The following ZNF518A variants were observed in gnomAD, a reference collection of about 807,000 sequenced individuals.
ZNF518A encodes the protein zinc finger protein 518.
ZNF518A carries 47 observed loss-of-function variants against 102.7 expected under a neutral mutation model. The ratio of observed to expected loss-of-function variants is 0.46; its 90% CI spans 0.36 to 0.58. The LOEUF is 0.58. ZNF518A is among the 20% of genes least tolerant of loss of function. The pLI, the probability that ZNF518A is intolerant of heterozygous loss-of-function variation, is 0.00. For missense variants in ZNF518A, 1,793 were observed against 1,699.8 expected, an observed-to-expected ratio of 1.05 and a Z score of -0.96; for synonymous variants, 652 against 594.6, an observed-to-expected ratio of 1.10 and a Z score of -1.40.
intron 3 of ZNF518A, among the ~76,000 whole-genome samples, chr10:96,149,205 T>C (rs1554879632): frequency 2.0e-5 from 3 of 152,230 alleles, no homozygotes; most frequent in Admixed American, 2.0e-4. Context: ...GTTTTGGTAC[T>C]TACCTTGTCA....
chr10:96,187,445 A>G (rs1218940586), intron 1 of ZNF518A, among the ~76,000 whole-genome samples: 3 of 152,198 alleles, frequency 2.0e-5, no homozygotes, highest in East Asian at 3.8e-4. Context: ...TTTGCCTCAC[A>G]TCGCTGAATT....
In ZNF518A at chr10:96,200,046, AAAATAAT is replaced by A; in HGVS notation, n.36-3517_36-3511del. ...CAAATAAATAAAATAAAATAAAATA[AAAATAAT>A]AAATAATAAAAATGATCAGACCTTG... On this transcript the variant is annotated intron_variant and non_coding_transcript_variant, in intron 1 of 2. Coordinates refer to the ZNF518A transcript ENST00000442635. This position sits in a 1 kb window ranked among gnomAD's most constrained non-coding sequence, Gnocchi z 4.3. 2.2e-6 allele frequency: 3 copies of A among 1,357,994 alleles called. No homozygotes were observed. The highest frequency in any genetic ancestry group is 2.9e-6 in the Non-Finnish European group (3 of 1,038,436). The allele number at this position is 1,357,994 out of a possible 1,614,324, so 84.1% of individuals were successfully genotyped here. A position where few individuals can be genotyped will look rare whatever the true frequency, so the allele number is the denominator to read the frequency against.
At chr10:96,168,022 C>T (rs868971798), downstream of ZNF518A, among the ~76,000 whole-genome samples, 1 of 152,202 alleles carries the variant, frequency 6.6e-6, no homozygotes. Flanking sequence ...CTGTTATTGT[C>T]ACAAACTACA....
chr10:96,156,633 G>A lies in ZNF518A; in HGVS notation c.311G>A (p.Arg104Lys). 1 of 1,613,852 alleles carries A rather than the reference G, an allele frequency of 6.2e-7. No homozygotes were observed. The highest frequency in any genetic ancestry group is 8.5e-7 in the Non-Finnish European group (1 of 1,179,792). Residue 104 changes from arginine (R) to lysine (K), a missense_variant, in exon 6 of 6, where the codon AGA (arginine) becomes AAA (lysine). This residue lies in a region of ZNF518A where 1,741 missense variants were observed against 1,622.6 expected (regional missense o/e 1.07). Coordinates refer to ENST00000316045, the MANE Select transcript of ZNF518A (RefSeq NM_001330736.2). ...EECTLLHKSE[R>K]AEEEGVKMSA... ...TGTACATTGCTTCATAAGTCTGAGA[G>A]AGCTGAAGAAGAGGGTGTAAAAATG...
At chr10:96,175,346 G>A (rs182675191) in intron 1 of ZNF518A, among the ~76,000 whole-genome samples, 18 of 152,310 alleles carry the variant, frequency 1.2e-4, no homozygotes, top group Non-Finnish European at 2.1e-4. Flanking sequence ...CATACCCACA[G>A]GATGGGTCCT....
chr10:96,145,100 C>T (rs587743952), intron 3 of ZNF518A, among the ~76,000 whole-genome samples: 33 of 52,064 alleles, frequency 6.3e-4, no homozygotes, highest in Non-Finnish European at 1.3e-3. Flanking sequence ...GATGGAGTCT[C>T]GCTCTGTCGC....
intron 3 of ZNF518A, among the ~76,000 whole-genome samples, chr10:96,136,842 C>T (rs1222120897): frequency 6.6e-6 from 1 of 152,150 alleles, no homozygotes; most frequent in Non-Finnish European, 1.5e-5. Flanking sequence ...CGCATCTGAC[C>T]CTCAGAGAGT....
intron 3 of ZNF518A, among the ~76,000 whole-genome samples, chr10:96,154,820 A>C (rs898219880): frequency 6.6e-6 from 1 of 152,210 alleles, no homozygotes; most frequent in Non-Finnish European, 1.5e-5. Context: ...TAGTCATGGC[A>C]TGTAAAACAA....
At position 96,159,164 on chromosome 10, in the gene ZNF518A, C is replaced by G. The variant is rs587626300; in HGVS notation, c.2842C>G (p.Pro948Ala). The G allele has an allele frequency of 1.2e-6, 2 of 1,613,722 alleles. No homozygotes were observed. The highest frequency in any genetic ancestry group is 1.7e-5 in the Admixed American group (1 of 59,992). ...FLIPLNITNK[P>A]GLPVIPGNAL... ...AATACCATTGAACATTACTAACAAG[C>G]CTGGGCTACCAGTTATTCCTGGAAA... The change falls in exon 6 of 6, where the codon CCT becomes GCT. Residue 948 changes from proline to alanine, a missense_variant. This residue lies in a region of ZNF518A where 1,741 missense variants were observed against 1,622.6 expected (regional missense o/e 1.07). Coordinates refer to ENST00000316045, the MANE Select transcript of ZNF518A (RefSeq NM_001330736.2).
rs1449757516 is a variant in ZNF518A at position 96,162,581 on chromosome 10, A to G, written c.*1807A>G. ...CTTAGTGAAGTATTTTTTGTATAAAATGTTACAATTGTGTTTCTTAAATTG... is the reference window on the plus strand; with the variant it reads ...CTTAGTGAAGTATTTTTTGTATAAAGTGTTACAATTGTGTTTCTTAAATTG... On this transcript the variant is annotated 3_prime_UTR_variant, in exon 6 of 6. Transcript: ENST00000316045. 1 of 166,822 alleles carries G rather than the reference A, an allele frequency of 6.0e-6. No individual in the cohort carries two copies. Among genetic ancestry groups the G allele is most frequent in the African/African-American group, 2.4e-5 (1 of 41,464 alleles). 10.3% of individuals were successfully genotyped at this position (166,822 alleles called of 1,614,324 possible).
intron 1 of ZNF518A, among the ~76,000 whole-genome samples, chr10:96,188,851 G>A (rs940257244): frequency 1.3e-4 from 20 of 152,038 alleles, no homozygotes; most frequent in Non-Finnish European, 5.9e-5. Flanking sequence ...TTCAAGTACT[G>A]GACACTCAAA....
At chr10:96,173,005 C>T (rs1281475546) in intron 1 of ZNF518A, among the ~76,000 whole-genome samples, 10 of 152,122 alleles carry the variant, frequency 6.6e-5, no homozygotes, top group African/African-American at 2.4e-4. Context: ...TGAGCATGTA[C>T]AGACTTTTTT....
chr10:96,168,156 A>G (rs1331408544), downstream of ZNF518A, among the ~76,000 whole-genome samples: 4 of 152,206 alleles, frequency 2.6e-5, no homozygotes, highest in Non-Finnish European at 5.9e-5. Flanking sequence ...TCTGCAATGT[A>G]AAAGGCCCCA....
At chr10:96,164,000 G>C (rs1169790259), downstream of ZNF518A, among the ~76,000 whole-genome samples, 7 of 152,110 alleles carry the variant, frequency 4.6e-5, no homozygotes, top group Non-Finnish European at 8.8e-5. Flanking sequence ...ATGGTTAGTG[G>C]GTAAAATAGG....
chr10:96,196,956 A>G (rs782362176), intron 1 of ZNF518A: 6 of 1,613,640 alleles, frequency 3.7e-6, no homozygotes, highest in Non-Finnish European at 4.2e-6. Flanking sequence ...TTGTTGCTTC[A>G]ATAAATCGCA....
intron 3 of ZNF518A, chr10:96,151,569 A>G (rs1309778350): frequency 2.0e-5 from 3 of 152,140 alleles, no homozygotes; most frequent in African/African-American, 7.2e-5. Flanking sequence ...CTTCCAAGGT[A>G]TGTTTAGGGG....
chr10:96,134,336 T>C (rs1433728837), intron 3 of ZNF518A, among the ~76,000 whole-genome samples: 1 of 152,238 alleles, frequency 6.6e-6, no homozygotes, highest in East Asian at 1.9e-4. Context: ...GTGCAAGCAA[T>C]TCTTCTGCCT....
intron 1 of ZNF518A, among the ~76,000 whole-genome samples, chr10:96,131,278 G>A (rs2081323239): frequency 6.6e-6 from 1 of 152,158 alleles, no homozygotes; most frequent in African/African-American, 2.4e-5. Context: ...TGCTTTTTCT[G>A]CAGCAAGGGG....
chr10:96,142,355 T>TG (rs1564748588), intron 3 of ZNF518A, among the ~76,000 whole-genome samples: 17 of 146,846 alleles, frequency 1.2e-4, no homozygotes, highest in Non-Finnish European at 1.4e-4. Context: ...TGTGTGTGTG[T>TG]TTCTAGATTC....
Sources: allele counts gnomAD v4.1 joint callset (sites outside exome capture counted in the v4.1 genomes callset), GRCh38; gene constraint gnomAD v4.1.1; regional missense constraint gnomAD v4.1.1; non-coding constraint Gnocchi (gnomAD v3.1); transcripts MANE v1.5; gene names NCBI Gene and HGNC (gene_info 2026-07-23, HGNC 2026-07-21).